Variants in CORIN observed in about 807,000 individuals in gnomAD.
The protein encoded by CORIN is corin, serine peptidase.
In CORIN, 117 loss-of-function variants were observed where a neutral mutation model predicts 125.3. The ratio of observed to expected loss-of-function variants is 0.93; its 90% confidence interval spans 0.80 to 1.09. CORIN has a LOEUF of 1.09. Ranked by LOEUF, CORIN falls within the 50% of genes least tolerant of loss-of-function variation. CORIN has a pLI of 0.00. For synonymous variants in CORIN, 450 were observed against 466.4 expected (o/e 0.96, Z 0.45); for missense variants, 1,253 against 1,306.7 (o/e 0.96, Z 0.63).
intron 5 of CORIN, among the ~76,000 whole-genome samples, chr4:47,733,972 C>T (rs1042332851): frequency 6.6e-6 from 1 of 152,074 alleles, no homozygotes; most frequent in African/African-American, 2.4e-5. Flanking sequence ...GCTCGATTCA[C>T]TCTGGAAAGA....
chr4:47,769,820 AG>A (rs1181669524), intron 3 of CORIN, among the ~76,000 whole-genome samples: 1 of 151,282 alleles, frequency 6.6e-6, no homozygotes, highest in Non-Finnish European at 1.5e-5. Flanking sequence ...AAGATTTAGA[AG>A]AATGAGATTA....
rs910842223 is a variant in CORIN at position 47,708,698 on chromosome 4, C to T, written c.800-15615G>A. ...TGCCTTCTCTCCCACCTGCTGACTGCCCTCTTCTTCCCTCCTATTGCCTTT... is the reference window on the plus strand; with the variant it reads ...TGCCTTCTCTCCCACCTGCTGACTGTCCTCTTCTTCCCTCCTATTGCCTTT... On this transcript the variant is annotated intron_variant, in intron 5 of 21. Transcript: ENST00000273857. 2.1e-4 allele frequency among the ~76,000 whole-genome samples: 32 copies of T among 152,284 alleles called. No homozygotes were observed. The Middle Eastern group carries it at 0.014, about 65-fold the overall frequency.
intron 2 of CORIN, among the ~76,000 whole-genome samples, chr4:47,792,327 T>G (rs554992667): frequency 4.4e-4 from 67 of 152,230 alleles, no homozygotes; most frequent in Non-Finnish European, 8.4e-4. Context: ...GATAGAAAAT[T>G]TTAGAAAGGT....
intron 19 of CORIN, among the ~76,000 whole-genome samples, chr4:47,607,102 G>T (rs755742018): frequency 5.9e-5 from 9 of 152,136 alleles, no homozygotes; most frequent in Non-Finnish European, 8.8e-5. Context: ...TAAAAAATTA[G>T]TGTCAATAAA....
chr4:47,816,888 A>G (rs1732297325), intron 1 of CORIN, among the ~76,000 whole-genome samples: 1 of 152,088 alleles, frequency 6.6e-6, no homozygotes, highest in African/African-American at 2.4e-5. Context: ...TGACCAACAA[A>G]TAGCTCCTAC....
At chr4:47,712,350 TC>T (rs1487407684) in intron 5 of CORIN, among the ~76,000 whole-genome samples, 1 of 152,210 alleles carries the variant, frequency 6.6e-6, no homozygotes, top group African/African-American at 2.4e-5. Context: ...TGGGACACTC[TC>T]CACTCACTGC....
chr4:47,621,915 T>C (rs35769377), intron 19 of CORIN, among the ~76,000 whole-genome samples: 36,776 of 144,998 alleles, frequency 0.25, 4,808 homozygotes, highest in Admixed American at 0.33. Flanking sequence ...TAGTTACATA[T>C]GTATACATGT....
intron 5 of CORIN, among the ~76,000 whole-genome samples, chr4:47,741,738 T>C (rs1183380267): frequency 1.3e-5 from 2 of 152,064 alleles, no homozygotes; most frequent in East Asian, 3.8e-4. Flanking sequence ...ATGAATGAAG[T>C]ACTAATAATA....
intron 1 of CORIN, among the ~76,000 whole-genome samples, chr4:47,809,517 A>G (rs1331863877): frequency 6.8e-6 from 1 of 146,522 alleles, no homozygotes; most frequent in Non-Finnish European, 1.5e-5. Context: ...CGATTCTCCT[A>G]CCTCAGCCTC....
intron 5 of CORIN, among the ~76,000 whole-genome samples, chr4:47,735,545 C>T (rs928971658): frequency 1.3e-5 from 2 of 152,142 alleles, no homozygotes; most frequent in African/African-American, 2.4e-5. Context: ...TCATCAATCT[C>T]TTCCAAGATT....
At chr4:47,608,773 C>T (rs564020588) in intron 19 of CORIN, among the ~76,000 whole-genome samples, 4 of 152,270 alleles carry the variant, frequency 2.6e-5, no homozygotes, top group South Asian at 2.1e-4. Context: ...GTCAGACACA[C>T]TATAGCATCC....
intron 16 of CORIN, among the ~76,000 whole-genome samples, chr4:47,628,472 GTT>G (rs1166859524): frequency 2.6e-4 from 38 of 147,838 alleles, no homozygotes; most frequent in Non-Finnish European, 4.9e-4. Context: ...GTGTGTGTGT[GTT>G]AAGAACACTA....
intron 4 of CORIN, among the ~76,000 whole-genome samples, chr4:47,761,932 G>T (rs887775728): frequency 1.4e-4 from 21 of 152,042 alleles, no homozygotes; most frequent in African/African-American, 4.8e-4. Flanking sequence ...GGAGCTTGAG[G>T]CCAGCCTGGA....
intron 4 of CORIN, among the ~76,000 whole-genome samples, chr4:47,759,233 G>A (rs1729336420): frequency 6.6e-6 from 1 of 152,138 alleles, no homozygotes; most frequent in African/African-American, 2.4e-5. Context: ...CTCAAAATGG[G>A]TTAAAGACTT....
At chr4:47,808,186 A>C (rs902673062) in intron 1 of CORIN, among the ~76,000 whole-genome samples, 1 of 152,180 alleles carries the variant, frequency 6.6e-6, no homozygotes, top group Non-Finnish European at 1.5e-5. Context: ...TGGGGAGTGG[A>C]GTCCAAAGAC....
rs115335713 is a variant in CORIN, at chr4:47,777,822, A to G, written c.409+8903T>C. On this transcript the variant is annotated intron_variant, in intron 3 of 21. Transcript: ENST00000273857. ...ACAAGTGAAAAGGCATATTTTCCAA[A>G]GGCACAAGTAACAGCAAACAGATTC... Among the ~76,000 whole-genome samples the G allele has an allele frequency of 8.8e-3, 1,340 of 152,318 alleles. 23 individuals are homozygous for G. The highest frequency in any genetic ancestry group is 0.03 in the African/African-American group (1,262 of 41,554).
intron 10 of CORIN, 134 bp from the exon 11 acceptor site, chr4:47,665,397 AT>A: frequency 1.4e-5 from 9 of 639,860 alleles, no homozygotes; most frequent in South Asian, 1.2e-4. Context: ...AGTATATAAC[AT>A]TTTTTATGGA....
At chr4:47,595,939 T>G in intron 21 of CORIN, 36 bp from the exon 22 acceptor site, 1 of 1,560,058 alleles carries the variant, frequency 6.4e-7, no homozygotes, top group Non-Finnish European at 8.7e-7. Flanking sequence ...GGAACTGGCA[T>G]TTCAGGGCAG....
chr4:47,711,045 C>T (rs573970576), intron 5 of CORIN, among the ~76,000 whole-genome samples: 1 of 152,164 alleles, frequency 6.6e-6, no homozygotes, highest in South Asian at 2.1e-4. Context: ...CTTTGAAGAA[C>T]AAAGAATGTC....
Sources: allele counts gnomAD v4.1 joint callset (sites outside exome capture counted in the v4.1 genomes callset), GRCh38; gene constraint gnomAD v4.1.1; transcripts MANE v1.5; gene names NCBI Gene and HGNC (gene_info 2026-07-23, HGNC 2026-07-21).